The following FREM1 variants were observed in gnomAD, a reference collection of about 807,000 sequenced individuals.
FREM1 encodes FRAS1-related extracellular matrix protein 1.
Under a neutral mutation model 210.1 loss-of-function variants are expected in FREM1, and 220 were observed. The observed-to-expected ratio is 1.05, with a 90% CI of 0.94 to 1.17. The LOEUF is 1.17. FREM1 is among the 50% of genes most tolerant of loss of function. The probability of loss-of-function intolerance (pLI) is 0.00; values close to 1 mark genes in which losing one functional copy is unlikely to be tolerated. For missense variants in FREM1, 3,454 were observed against 2,675.5 expected (o/e 1.29, Z -6.42); for synonymous variants, 1,189 against 980.2 (o/e 1.21, Z -3.98).
chr9:14,809,893 T>C (rs1274127172), intron 16 of FREM1, among the ~76,000 whole-genome samples: 1 of 152,112 alleles, frequency 6.6e-6, no homozygotes, highest in Non-Finnish European at 1.5e-5. Flanking sequence ...TATGTATGTA[T>C]GTATGTATGT....
chr9:14,869,151 C>G lies in FREM1; in HGVS notation c.-174G>C. On this transcript the variant is annotated 5_prime_UTR_variant, in exon 2 of 37. Coordinates refer to ENST00000380880, the MANE Select transcript of FREM1 (RefSeq NM_001379081.2). ...TTCATTTCAAAGTCAGACAAGGGGG[C>G]CTTTCAGGCAATCCCAGGGCTTTTA... is the stretch of plus-strand genomic sequence containing the variant. 1 of 545,640 alleles carries G rather than the reference C, an allele frequency of 1.8e-6. No homozygotes were observed. The allele number at this position is 545,640 out of a possible 1,614,324, so 33.8% of individuals were successfully genotyped here.
chr9:14,888,094 G>A (rs149545547), intron 1 of FREM1, among the ~76,000 whole-genome samples: 5 of 152,238 alleles, frequency 3.3e-5, no homozygotes, highest in African/African-American at 1.2e-4. Context: ...CACCACGTCT[G>A]GCCAAAACCA....
Position 14,860,717 on chromosome 9 carries a change from A to ACACATATATATGCACATATATATG in FREM1, c.330-1234_330-1233insCATATATATGTGCATATATATGTG, listed in dbSNP as rs1564100686. Among the ~76,000 whole-genome samples the ACACATATATATGCACATATATATG allele has an allele frequency of 3.8e-4, 31 of 81,690 alleles. 1 individual carries two copies. Among genetic ancestry groups the ACACATATATATGCACATATATATG allele is most frequent in the African/African-American group, 1.6e-3 (31 of 19,116 alleles). The allele number at this position is 81,690 out of a possible 152,430, so 53.6% of individuals were successfully genotyped here. A position where few individuals can be genotyped will look rare whatever the true frequency, so the allele number is the denominator to read the frequency against. On this transcript the variant is annotated intron_variant, in intron 3 of 36. Transcript: ENST00000380880. Reference sequence around the variant, plus strand: ...TACACACATATATACACACATATATACACATATATACACATATATACACAT... The same window carrying ACACATATATATGCACATATATATG: ...TACACACATATATACACACATATATACACATATATATGCACATATATATGCACATATATACACATATATACACAT...
chr9:14,795,124 T>C (rs1852135469), intron 21 of FREM1, among the ~76,000 whole-genome samples: 1 of 152,212 alleles, frequency 6.6e-6, no homozygotes, highest in Non-Finnish European at 1.5e-5. Context: ...GACTAGCTTG[T>C]CTTTGTATTT....
rs759344214 is a variant in FREM1, at chr9:14,788,944, T to G, written c.4152A>C (p.Gln1384His). ...GNNRSPALDC[Q>H]ITIKDMEKGD... is the part of the protein sequence containing the mutation. ...CTTTTTCCATGTCCTTGATGGTGAT[T>G]TGACAGTCAAGAGCAGGGGACCTGT... The change falls in exon 23 of 37, where the codon CAA (glutamine) becomes CAC (histidine). Residue 1384 changes from glutamine (Q) to histidine (H), a missense_variant. Gln to His is a conservative substitution (Grantham distance 24). Transcript: ENST00000380880. 1.2e-6 allele frequency: 2 copies of G among 1,612,860 alleles called. No individual in the cohort carries two copies. Among genetic ancestry groups the G allele is most frequent in the South Asian group, 1.1e-5 (1 of 90,682 alleles).
intron 10 of FREM1, among the ~76,000 whole-genome samples, chr9:14,840,137 T>G (rs1825397549): frequency 6.6e-6 from 1 of 152,332 alleles, no homozygotes; most frequent in East Asian, 1.9e-4. Context: ...GATGAATAGC[T>G]CAATCATCTA....
At chr9:14,744,426 T>C (rs10756608) in intron 35 of FREM1, among the ~76,000 whole-genome samples, 54,168 of 151,902 alleles carry the variant, frequency 0.36, 9,803 homozygotes, top group African/African-American at 0.43. Flanking sequence ...TTACCAAAGA[T>C]AACAATTTTT....
At chr9:14,767,075 C>T (rs1846562103) in intron 27 of FREM1, among the ~76,000 whole-genome samples, 1 of 152,018 alleles carries the variant, frequency 6.6e-6, no homozygotes, top group African/African-American at 2.4e-5. Context: ...ATTGTAGTAT[C>T]GCTCCCATTT....
chr9:14,808,182 A>C (rs774896036), intron 16 of FREM1, 48 bp from the exon 17 acceptor site: 2 of 1,277,972 alleles, frequency 1.6e-6, no homozygotes, highest in Non-Finnish European at 2.2e-6. Context: ...AAAATATAGA[A>C]TACCAAGATG....
chr9:14,888,904 A>C (rs1464712513), intron 1 of FREM1, among the ~76,000 whole-genome samples: 1 of 152,206 alleles, frequency 6.6e-6, no homozygotes, highest in Non-Finnish European at 1.5e-5. Flanking sequence ...GGACAAAAAC[A>C]CAGAAACATA....
rs138267253 is a variant in FREM1 at position 14,759,894 on chromosome 9, G to A, written c.5212C>T (p.Leu1738=). ...GACCATTCAATATGAGACCACTTCAGTTCCAAACTGTGTGTGAAAGGAAAA... is the reference window on the plus strand; with the variant it reads ...GACCATTCAATATGAGACCACTTCAATTCCAAACTGTGTGTGAAAGGAAAA... The part of the protein sequence containing the change: ...GNSATPQILE[L]KWSHIEWSQT... Residue 1738 remains leucine (L), a synonymous_variant, in exon 28 of 37, where the codon CTG becomes TTG. Coordinates refer to ENST00000380880, the MANE Select transcript of FREM1 (RefSeq NM_001379081.2). 6.2e-7 allele frequency: 1 copy of A among 1,608,414 alleles called. No individual in the cohort carries two copies. The highest frequency in any genetic ancestry group is 8.5e-7 in the Non-Finnish European group (1 of 1,176,902).
intron 10 of FREM1, among the ~76,000 whole-genome samples, chr9:14,826,098 C>CT (rs5896650): frequency 0.17 from 23,353 of 135,228 alleles, 2,706 homozygotes; most frequent in Middle Eastern, 0.26. Flanking sequence ...CTTTCTCAAC[C>CT]TTTTTTTTTT....
At chr9:14,810,602 T>C (rs1819222597) in intron 16 of FREM1, among the ~76,000 whole-genome samples, 1 of 152,168 alleles carries the variant, frequency 6.6e-6, no homozygotes, top group South Asian at 2.1e-4. Flanking sequence ...ATAATGTTAA[T>C]TGGGGAATAG....
chr9:14,771,033 T>A (rs1005789986), intron 25 of FREM1, among the ~76,000 whole-genome samples: 5 of 152,108 alleles, frequency 3.3e-5, no homozygotes, highest in Non-Finnish European at 7.4e-5. Flanking sequence ...CTCCACTTTA[T>A]CAATTTGTCT....
chr9:14,779,785 C>G (rs957712823), intron 24 of FREM1, among the ~76,000 whole-genome samples: 2 of 152,166 alleles, frequency 1.3e-5, no homozygotes, highest in Non-Finnish European at 2.9e-5. Context: ...CTGAGGCCAG[C>G]GCTCCTATCT....
chr9:14,899,337 T>C (rs1179658611), intron 1 of FREM1, among the ~76,000 whole-genome samples: 2 of 152,224 alleles, frequency 1.3e-5, no homozygotes, highest in African/African-American at 4.8e-5. Flanking sequence ...CTGAGCTTAA[T>C]GGCATTAAGA....
In FREM1 at chr9:14,816,780, C is replaced by T. The variant is rs866797834; in HGVS notation, c.2638G>A (p.Glu880Lys). The change falls in exon 15 of 37, where the codon GAG (glutamate) becomes AAG (lysine). Residue 880 changes from glutamate to lysine, a missense_variant and splice_region_variant. Glu to Lys is a moderately conservative substitution (Grantham distance 56). Coordinates refer to ENST00000380880, the MANE Select transcript of FREM1 (RefSeq NM_001379081.2). ...CAGGGAAGAAACTTTCTACCCACCT[C>T]AACATGTAGTACAAATTCTGCTGAA... ...TNSAEFVLHV[E>K]VFPVNDEPPV... 3 of 1,397,920 alleles carry T rather than the reference C, an allele frequency of 2.1e-6. No homozygotes were observed. In the South Asian group the frequency reaches 5.7e-5, roughly 26 times the overall value. 86.6% of individuals were successfully genotyped at this position (1,397,920 alleles called of 1,614,324 possible).
intron 8 of FREM1, among the ~76,000 whole-genome samples, chr9:14,844,483 C>T (rs1826249709): frequency 6.6e-6 from 1 of 152,180 alleles, no homozygotes; most frequent in Admixed American, 6.5e-5. Flanking sequence ...TCTCGGCCTC[C>T]CAAAGTGCTG....
chr9:14,895,077 C>T (rs1237736301), intron 1 of FREM1, among the ~76,000 whole-genome samples: 1 of 152,128 alleles, frequency 6.6e-6, no homozygotes, highest in Non-Finnish European at 1.5e-5. Context: ...ATCTTGGGAC[C>T]TCAGGAGGAG....
Sources: allele counts gnomAD v4.1 joint callset (sites outside exome capture counted in the v4.1 genomes callset), GRCh38; gene constraint gnomAD v4.1.1; transcripts MANE v1.5; gene names NCBI Gene and HGNC (gene_info 2026-07-23, HGNC 2026-07-21).